FBXO32: variants seen among roughly 807,000 people sequenced by gnomAD.
FBXO32 encodes the protein F-box protein 32.
A neutral mutation model predicts 48.3 loss-of-function variants in FBXO32; 15 were observed. The ratio of observed to expected loss-of-function variants is 0.31; its 90% CI spans 0.21 to 0.48. FBXO32 has a LOEUF of 0.48. Among genes scored for constraint, FBXO32 ranks in the 20% least tolerant of loss-of-function variants. The pLI is 0.99. For missense variants in FBXO32, 309 were observed against 432.7 expected (o/e 0.71, Z 2.54); for synonymous variants, 154 against 165.9 (o/e 0.93, Z 0.55).
intron 4 of FBXO32, among the ~76,000 whole-genome samples, chr8:123,517,744 A>G (rs1000002739): frequency 6.6e-6 from 1 of 152,200 alleles, no homozygotes; most frequent in South Asian, 2.1e-4. Context: ...CTTCATTTCT[A>G]AAATGGAAAT....
Position 123,513,427 on chromosome 8 carries a change from C to T in FBXO32, c.467-45G>A. On this transcript the variant is annotated intron_variant, in intron 5 of 8. Transcript: ENST00000517956. This position sits in a 1 kb window ranked among gnomAD's most constrained non-coding sequence, Gnocchi z 4.3. The stretch of plus-strand genomic sequence containing the variant: ...AATAATTAAAGTTATGATACTGGAA[C>T]ACCCTGTATTTTACACATGAGCTTG... 1 of 1,487,538 alleles carries T rather than the reference C, an allele frequency of 6.7e-7. No homozygotes were observed. Among genetic ancestry groups the T allele is most frequent in the Non-Finnish European group, 9.3e-7 (1 of 1,076,992 alleles). 92.1% of individuals were successfully genotyped at this position (1,487,538 alleles called of 1,614,324 possible). A position where few individuals can be genotyped will look rare whatever the true frequency, so the allele number is the denominator to read the frequency against.
intron 4 of FBXO32, among the ~76,000 whole-genome samples, chr8:123,528,601 A>C (rs1371222006): frequency 6.6e-6 from 1 of 152,236 alleles, no homozygotes; most frequent in Non-Finnish European, 1.5e-5. Flanking sequence ...TAGCCAGTGA[A>C]AATGATGTAG....
chr8:123,540,507 C>T lies in FBXO32; in HGVS notation c.116+392G>A, dbSNP rs1254254302. On this transcript the variant is annotated intron_variant, in intron 1 of 8. Transcript: ENST00000517956. The surrounding 1 kb of genome is among the most constrained non-coding windows in gnomAD (Gnocchi z 6.4). ...CGGGCCACCCCGCGGTGAAGGGGCTCAGCCCACCCGCCCGCGCCCCCACAT... is the reference window on the plus strand; with the variant it reads ...CGGGCCACCCCGCGGTGAAGGGGCTTAGCCCACCCGCCCGCGCCCCCACAT... Among the ~76,000 whole-genome samples the T allele has an allele frequency of 1.3e-5, 2 of 152,256 alleles. No individual in the cohort carries two copies. The highest frequency in any genetic ancestry group is 2.9e-5 in the Non-Finnish European group (2 of 68,042).
chr8:123,534,669 GC>G (rs753813614), intron 2 of FBXO32, 32 bp downstream of exon 2: 53 of 1,432,044 alleles, frequency 3.7e-5, no homozygotes, highest in Non-Finnish European at 4.9e-5. Flanking sequence ...TCTTCAAACA[GC>G]TTTTTTCTGA....
chr8:123,514,822 C>T (rs1471906614), intron 4 of FBXO32, among the ~76,000 whole-genome samples: 1 of 152,222 alleles, frequency 6.6e-6, no homozygotes, highest in Non-Finnish European at 1.5e-5. Context: ...CCTGATACCT[C>T]CTGCTTCTGC....
intron 4 of FBXO32, among the ~76,000 whole-genome samples, chr8:123,528,587 C>T (rs929748047): frequency 2.0e-5 from 3 of 152,126 alleles, no homozygotes; most frequent in Admixed American, 6.5e-5. Flanking sequence ...ATGCATGTAG[C>T]TTGTAGCCAG....
In FBXO32 at chr8:123,499,667, A is replaced by C. The variant is rs1816440362; in HGVS notation, c.*3706T>G. On this transcript the variant is annotated 3_prime_UTR_variant, in exon 9 of 9. Transcript: ENST00000517956. ...ATAAACATTGTATTGAATGCTAAGA[A>C]TGATACACTGTTGAACATCTCCTGA... 6.6e-6 allele frequency: 1 copy of C among 152,232 alleles called. No homozygotes were observed. Among genetic ancestry groups the C allele is most frequent in the South Asian group, 2.1e-4 (1 of 4,828 alleles). 9.4% of individuals were successfully genotyped at this position (152,232 alleles called of 1,614,324 possible).
intron 4 of FBXO32, among the ~76,000 whole-genome samples, chr8:123,517,256 A>T (rs1816857806): frequency 6.6e-6 from 1 of 152,200 alleles, no homozygotes; most frequent in Admixed American, 6.5e-5. Flanking sequence ...CCATCTCATG[A>T]GGGTGTCAGT....
chr8:123,508,953 T>C (rs1816683846), intron 6 of FBXO32, among the ~76,000 whole-genome samples: 1 of 152,152 alleles, frequency 6.6e-6, no homozygotes, highest in Admixed American at 6.5e-5. Flanking sequence ...AATATAAACG[T>C]ATAAAAGAAA....
chr8:123,515,540 C>T (rs1035490642), intron 4 of FBXO32, among the ~76,000 whole-genome samples: 6 of 151,882 alleles, frequency 4.0e-5, no homozygotes, highest in Non-Finnish European at 7.4e-5. Context: ...TGAGCCACCG[C>T]GCCCCGCCAG....
intron 1 of FBXO32, among the ~76,000 whole-genome samples, chr8:123,537,875 GAA>G (rs1817339307): frequency 6.6e-6 from 1 of 152,136 alleles, no homozygotes; most frequent in Non-Finnish European, 1.5e-5. Flanking sequence ...TGTAGGCTTA[GAA>G]AAGAGTGGCA....
At chr8:123,514,360 G>T in intron 4 of FBXO32, 27 bp from the exon 5 acceptor site, 1 of 1,582,152 alleles carries the variant, frequency 6.3e-7, no homozygotes, top group Non-Finnish European at 8.6e-7. Context: ...AAGTTGCCAG[G>T]CTTAGAGTAC....
At chr8:123,535,134 T>C (rs1234078477) in intron 1 of FBXO32, among the ~76,000 whole-genome samples, 2 of 152,084 alleles carry the variant, frequency 1.3e-5, no homozygotes, top group African/African-American at 4.8e-5. Flanking sequence ...AGTATTACCA[T>C]ATTACTTTAA....
chr8:123,514,096 T>C (rs1816790047), intron 5 of FBXO32, 144 bp downstream of exon 5: 2 of 617,252 alleles, frequency 3.2e-6, no homozygotes, highest in African/African-American at 3.8e-5. Flanking sequence ...AACTGGAATT[T>C]AGTGTCTCTA....
intron 1 of FBXO32, among the ~76,000 whole-genome samples, chr8:123,535,141 T>G (rs1357413389): frequency 2.0e-5 from 3 of 152,152 alleles, no homozygotes; most frequent in African/African-American, 7.2e-5. Context: ...CCATATTACT[T>G]TAAACAAAAA....
At position 123,506,573 on chromosome 8, in the gene FBXO32, G is replaced by A; in HGVS notation, c.653C>T (p.Pro218Leu). ...QQLNNIQITRPAFKGLTFTDL... is the reference protein window; with the variant it reads ...QQLNNIQITRLAFKGLTFTDL... The stretch of plus-strand genomic sequence containing the variant: ...AGTGAAGGTGAGGCCTTTGAAGGCA[G>A]GCTGCAGAGAGAAGGGTGACAATAG... The change falls in exon 7 of 9, where the codon CCT becomes CTT. Residue 218 changes from proline (P) to leucine (L), a missense_variant and splice_region_variant. By Grantham distance (98) the Pro-to-Leu change is moderately conservative. Coordinates refer to ENST00000517956, the MANE Select transcript of FBXO32 (RefSeq NM_058229.4). This position sits in a 1 kb window ranked among gnomAD's most constrained non-coding sequence, Gnocchi z 4.0. 1 of 1,587,222 alleles carries A rather than the reference G, an allele frequency of 6.3e-7. No individual in the cohort carries two copies. Among genetic ancestry groups the A allele is most frequent in the East Asian group, 2.3e-5 (1 of 44,272 alleles).
chr8:123,528,318 C>G (rs2130547130), intron 4 of FBXO32, among the ~76,000 whole-genome samples: 1 of 152,318 alleles, frequency 6.6e-6, no homozygotes, highest in South Asian at 2.1e-4. Context: ...ATCCTCTGAC[C>G]TCTCTGTGGC....
intron 7 of FBXO32, 100 bp from the exon 8 acceptor site, chr8:123,504,847 C>G (rs939685410): frequency 2.5e-5 from 27 of 1,095,032 alleles, no homozygotes; most frequent in Middle Eastern, 2.1e-4. Flanking sequence ...CCCTTTCCCC[C>G]TCTTTTCAGC....
intron 4 of FBXO32, among the ~76,000 whole-genome samples, chr8:123,515,786 GT>G (rs749156117): frequency 9.9e-5 from 15 of 151,992 alleles, no homozygotes; most frequent in Non-Finnish European, 1.9e-4. Flanking sequence ...GAGGTCAAGA[GT>G]TCAAGACCAG....
Sources: gnomAD v4.1 joint callset for allele counts (sites outside exome capture counted in the v4.1 genomes callset) on GRCh38, gnomAD v4.1.1 for gene constraint, Gnocchi (gnomAD v3.1) non-coding constraint, MANE v1.5 for transcripts, NCBI Gene and HGNC (gene_info 2026-07-23, HGNC 2026-07-21) for gene names.